The following ANKS1B variants were observed in gnomAD, a reference collection of about 807,000 sequenced individuals.
ANKS1B encodes the protein ankyrin repeat and sterile alpha motif domain containing 1B.
Under a neutral mutation model 148.3 loss-of-function variants are expected in ANKS1B, and 36 were observed. The observed-to-expected ratio is 0.24, with a 90% CI of 0.19 to 0.32. The LOEUF is 0.32. Among genes scored for constraint, ANKS1B ranks in the 10% least tolerant of loss-of-function variants. The probability of loss-of-function intolerance (pLI) is 1.00; values close to 1 mark genes in which losing one functional copy is unlikely to be tolerated. For missense variants in ANKS1B, 1,157 were observed against 1,542.6 expected, an observed-to-expected ratio of 0.75 and a Z score of 4.19; for synonymous variants, 542 against 560.8, an observed-to-expected ratio of 0.97 and a Z score of 0.47.
chr12:99,410,060 C>T (rs1395370020), intron 11 of ANKS1B, among the ~76,000 whole-genome samples: 1 of 152,190 alleles, frequency 6.6e-6, no homozygotes, highest in Non-Finnish European at 1.5e-5. Context: ...TCTTATGTGC[C>T]AAAGCCAGGC....
intron 10 of ANKS1B, among the ~76,000 whole-genome samples, chr12:99,464,666 G>T (rs1170819951): frequency 1.3e-5 from 2 of 152,222 alleles, no homozygotes; most frequent in Admixed American, 6.5e-5. Flanking sequence ...AGGAGCCGAT[G>T]CGATCAACTG....
At chr12:99,202,037 C>A (rs2153898339) in intron 14 of ANKS1B, among the ~76,000 whole-genome samples, 1 of 152,240 alleles carries the variant, frequency 6.6e-6, no homozygotes, top group South Asian at 2.1e-4. Context: ...ATTACAGCTA[C>A]AAATAATCCA....
At chr12:99,612,320 A>C (rs1210822137) in intron 9 of ANKS1B, among the ~76,000 whole-genome samples, 1 of 152,130 alleles carries the variant, frequency 6.6e-6, no homozygotes, top group Non-Finnish European at 1.5e-5. Flanking sequence ...ACCACCACAA[A>C]ATAATGGCTA....
chr12:99,196,322 T>C (rs1197011262), intron 14 of ANKS1B, among the ~76,000 whole-genome samples: 2 of 152,200 alleles, frequency 1.3e-5, no homozygotes, highest in African/African-American at 2.4e-5. Flanking sequence ...ATCAAATGGA[T>C]ACTTGCTCTT....
At chr12:99,180,983 C>G (rs897104794) in intron 14 of ANKS1B, among the ~76,000 whole-genome samples, 1 of 152,184 alleles carries the variant, frequency 6.6e-6, no homozygotes, top group African/African-American at 2.4e-5. Flanking sequence ...TCTGAACAAA[C>G]AGGCCTAAGT....
At chr12:99,462,574 G>A (rs2096000154) in intron 10 of ANKS1B, among the ~76,000 whole-genome samples, 1 of 152,142 alleles carries the variant, frequency 6.6e-6, no homozygotes, top group Non-Finnish European at 1.5e-5. Flanking sequence ...GTTCTCAGTG[G>A]CCCCTTCTGC....
In ANKS1B at chr12:99,967,165, TA is replaced by T. The variant is rs201023866; in HGVS notation, c.134+16938del. On this transcript the variant is annotated intron_variant, in intron 1 of 26. Coordinates refer to ENST00000683438, the MANE Select transcript of ANKS1B (RefSeq NM_001352186.2). The stretch of plus-strand genomic sequence containing the variant: ...AATTATGAATAATTTATTGAATATC[TA>T]AATTATTTATTGCATAGATATTAAT... Among the ~76,000 whole-genome samples, 577 of 152,344 alleles carry T rather than the reference TA, an allele frequency of 3.8e-3. 15 individuals carry two copies. The highest frequency in any genetic ancestry group is 0.034 in the Admixed American group (514 of 15,302).
chr12:99,979,681 G>A (rs963592784), intron 1 of ANKS1B, among the ~76,000 whole-genome samples: 8 of 152,024 alleles, frequency 5.3e-5, no homozygotes, highest in African/African-American at 1.9e-4. Flanking sequence ...TAATAAAGTA[G>A]ACTGATTTTG....
intron 10 of ANKS1B, among the ~76,000 whole-genome samples, chr12:99,445,510 G>A (rs1053891891): frequency 2.0e-5 from 3 of 151,908 alleles, no homozygotes; most frequent in Non-Finnish European, 4.4e-5. Context: ...TAAACTTTGG[G>A]TGATAATGAT....
chr12:98,919,497 C>T (rs2099798605), intron 17 of ANKS1B, among the ~76,000 whole-genome samples: 1 of 152,206 alleles, frequency 6.6e-6, no homozygotes, highest in African/African-American at 2.4e-5. Context: ...ATAACTCAAT[C>T]TACCTAAACT....
chr12:99,177,990 C>G (rs1364677384), intron 14 of ANKS1B, among the ~76,000 whole-genome samples: 2 of 152,226 alleles, frequency 1.3e-5, no homozygotes, highest in East Asian at 3.8e-4. Context: ...GCAACACCAA[C>G]AGATCCATTC....
At chr12:98,871,221 C>G (rs1333875094) in intron 17 of ANKS1B, among the ~76,000 whole-genome samples, 2 of 152,136 alleles carry the variant, frequency 1.3e-5, no homozygotes, top group African/African-American at 2.4e-5. Flanking sequence ...CCCATTATGG[C>G]AAGACATTAT....
Position 98,744,180 on chromosome 12 carries a change from T to TCAA in ANKS1B, c.*1556_*1558dup, listed in dbSNP as rs2097833264. The stretch of plus-strand genomic sequence containing the variant: ...TAACTCTCATTTTGCTACATACATA[T>TCAA]CAACAGTGAATAGGCAAAATATATA... On this transcript the variant is annotated 3_prime_UTR_variant, in exon 27 of 27. Coordinates refer to ENST00000683438, the MANE Select transcript of ANKS1B (RefSeq NM_001352186.2). 3 of 984,464 alleles carry TCAA rather than the reference T, an allele frequency of 3.0e-6. No homozygotes were observed. The highest frequency in any genetic ancestry group is 6.2e-5 in the Admixed American group (1 of 16,258). The allele number at this position is 984,464 out of a possible 1,614,324, so 61.0% of individuals were successfully genotyped here.
chr12:99,103,884 T>C (rs2058566763), intron 15 of ANKS1B, among the ~76,000 whole-genome samples: 3 of 152,214 alleles, frequency 2.0e-5, no homozygotes, highest in Admixed American at 1.3e-4. Flanking sequence ...CTCTCAAGTA[T>C]ACCAATTTAA....
At chr12:99,838,557 T>C (rs550758996) in intron 1 of ANKS1B, among the ~76,000 whole-genome samples, 1 of 152,162 alleles carries the variant, frequency 6.6e-6, no homozygotes, top group African/African-American at 2.4e-5. Context: ...TAACCCTTTC[T>C]AATGTTGAAA....
chr12:99,861,440 T>G (rs2089999082), intron 1 of ANKS1B, among the ~76,000 whole-genome samples: 1 of 152,174 alleles, frequency 6.6e-6, no homozygotes, highest in South Asian at 2.1e-4. Context: ...CTGTAGAACT[T>G]TATTCATTTT....
intron 17 of ANKS1B, among the ~76,000 whole-genome samples, chr12:99,004,390 A>C (rs946605351): frequency 6.6e-6 from 1 of 152,198 alleles, no homozygotes; most frequent in Admixed American, 6.5e-5. Context: ...TTGAAAGACT[A>C]AATGAGATAA....
intron 15 of ANKS1B, among the ~76,000 whole-genome samples, chr12:99,139,225 TTTCC>T (rs58756974): frequency 0.04 from 5,861 of 147,526 alleles, 416 homozygotes; most frequent in African/African-American, 0.14. Context: ...CTTCTCTTTC[TTTCC>T]TTCCTTCCTT....
chr12:99,449,545 T>C (rs2152814780), intron 10 of ANKS1B, among the ~76,000 whole-genome samples: 1 of 152,264 alleles, frequency 6.6e-6, no homozygotes, highest in East Asian at 1.9e-4. Flanking sequence ...CCATCTTCTA[T>C]CATTTACGTG....
Sources: allele counts gnomAD v4.1 joint callset (sites outside exome capture counted in the v4.1 genomes callset), GRCh38; gene constraint gnomAD v4.1.1; transcripts MANE v1.5; gene names NCBI Gene and HGNC (gene_info 2026-07-23, HGNC 2026-07-21).